Variants in DSE observed in about 807,000 individuals in gnomAD.
DSE encodes the protein dermatan sulfate epimerase.
A neutral mutation model predicts 84.4 loss-of-function variants in DSE; 36 were observed. That is an observed-to-expected ratio of 0.43 (90% CI 0.33 to 0.56). The LOEUF (loss-of-function observed/expected upper bound fraction) is 0.56. DSE is among the 20% of genes least tolerant of loss of function. DSE has a pLI of 0.06. For missense variants in DSE, 862 were observed against 1,169.6 expected (o/e 0.74, Z 3.84); for synonymous variants, 410 against 430.1 (o/e 0.95, Z 0.58).
chr6:116,264,580 C>A (rs1403458480), intron 2 of DSE, among the ~76,000 whole-genome samples: 1 of 152,094 alleles, frequency 6.6e-6, no homozygotes, highest in African/African-American at 2.4e-5. Context: ...GTCATTTAAG[C>A]CATCTCAGCC....
chr6:116,314,265 T>G (rs1396906941), intron 2 of DSE, among the ~76,000 whole-genome samples: 2 of 152,236 alleles, frequency 1.3e-5, no homozygotes, highest in Admixed American at 1.3e-4. Flanking sequence ...GTTTGCAACA[T>G]GTTTAAATTG....
Position 116,371,061 on chromosome 6 carries a change from G to A in DSE, c.-114G>A, listed in dbSNP as rs1273734445. The A allele has an allele frequency of 4.1e-6, 4 of 986,008 alleles. No individual in the cohort carries two copies. Among genetic ancestry groups the A allele is most frequent in the Non-Finnish European group, 4.8e-6 (4 of 830,546 alleles). 61.1% of individuals were successfully genotyped at this position (986,008 alleles called of 1,614,324 possible). A position where few individuals can be genotyped will look rare whatever the true frequency, so the allele number is the denominator to read the frequency against. On this transcript the variant is annotated 5_prime_UTR_variant, in exon 1 of 6. Transcript: ENST00000644252. ...GGGCGCCCTGGAGTGAGGAGGACCG[G>A]GAGCTGGCTCTGGAGGCTGCGGAGG...
At chr6:116,369,445 G>C (rs1434094457), upstream of DSE, among the ~76,000 whole-genome samples, 1 of 152,058 alleles carries the variant, frequency 6.6e-6, no homozygotes, top group Non-Finnish European at 1.5e-5. Flanking sequence ...ATATGGTGTA[G>C]TAAACTCTCA....
intron 2 of DSE, among the ~76,000 whole-genome samples, chr6:116,292,795 C>A (rs897174229): frequency 6.6e-6 from 1 of 152,124 alleles, no homozygotes; most frequent in Admixed American, 6.5e-5. Context: ...AAAGTAGTGA[C>A]CTGGAAAAGC....
At chr6:116,405,007 CA>C in intron 2 of DSE, among the ~76,000 whole-genome samples, 1 of 143,348 alleles carries the variant, frequency 7.0e-6, no homozygotes, top group South Asian at 2.2e-4. Context: ...TTTTTTGCAA[CA>C]GACTGAGTAT....
At chr6:116,405,660 T>G (rs1562287875) in intron 2 of DSE, among the ~76,000 whole-genome samples, 1 of 152,224 alleles carries the variant, frequency 6.6e-6, no homozygotes, top group Non-Finnish European at 1.5e-5. Context: ...GATCAAATTA[T>G]TTAAAATTTA....
At chr6:116,279,519 G>C in intron 2 of DSE, 1 of 1,608,158 alleles carries the variant, frequency 6.2e-7, no homozygotes, top group Non-Finnish European at 8.5e-7. Context: ...GGCCTTCGGC[G>C]GGAGGCTGGC....
chr6:116,425,224 A>T (rs1783355406), intron 2 of DSE, among the ~76,000 whole-genome samples: 1 of 152,248 alleles, frequency 6.6e-6, no homozygotes, highest in African/African-American at 2.4e-5. Flanking sequence ...TTTCAAAATA[A>T]TAGATTTCCA....
rs1326211107 is a variant in DSE, at chr6:116,437,347, A to G, written c.*2A>G. The G allele has an allele frequency of 1.3e-6, 2 of 1,577,220 alleles. No individual in the cohort carries two copies. The highest frequency in any genetic ancestry group is 1.7e-6 in the Non-Finnish European group (2 of 1,163,626). ...TCTTGTTCCCAATCACAGTGTTAGC[A>G]CTGAAGCTATAAATTACCTGGTCAT... On this transcript the variant is annotated 3_prime_UTR_variant, in exon 6 of 6. Coordinates refer to ENST00000644252, the MANE Select transcript of DSE (RefSeq NM_013352.4).
At chr6:116,402,691 AC>A (rs1781671567) in intron 2 of DSE, among the ~76,000 whole-genome samples, 1 of 152,164 alleles carries the variant, frequency 6.6e-6, no homozygotes. Flanking sequence ...TGCTCTCAAA[AC>A]TAGAACATCT....
At chr6:116,303,267 C>T (rs1775146995) in intron 2 of DSE, among the ~76,000 whole-genome samples, 1 of 152,238 alleles carries the variant, frequency 6.6e-6, no homozygotes, top group Admixed American at 6.5e-5. Context: ...AAAGTCACTT[C>T]CTTCAGGAAG....
At chr6:116,317,314 A>G (rs1443491182) in intron 2 of DSE, among the ~76,000 whole-genome samples, 2 of 152,244 alleles carry the variant, frequency 1.3e-5, no homozygotes. Context: ...CTTTCAGCCA[A>G]TTCTGCCCCC....
chr6:116,443,475 G>A lies in DSE; in HGVS notation c.*6130G>A, dbSNP rs1707801441. On this transcript the variant is annotated 3_prime_UTR_variant, in exon 6 of 6. Coordinates refer to ENST00000644252, the MANE Select transcript of DSE (RefSeq NM_013352.4). ...GTACAGGGTGTGTATGTAGTGGCGG[G>A]TGATAGAAAATTAGACTGGAAAAGT... The A allele has an allele frequency of 6.6e-6, 1 of 152,180 alleles. No individual in the cohort carries two copies. Among genetic ancestry groups the A allele is most frequent in the Non-Finnish European group, 1.5e-5 (1 of 68,018 alleles). 9.4% of individuals were successfully genotyped at this position (152,180 alleles called of 1,614,324 possible).
chr6:116,436,859 A>G lies in DSE; in HGVS notation c.2391A>G (p.Ser797=). The G allele has an allele frequency of 6.2e-7, 1 of 1,614,148 alleles. No homozygotes were observed. Among genetic ancestry groups the G allele is most frequent in the Non-Finnish European group, 8.5e-7 (1 of 1,180,010 alleles). The part of the protein sequence containing the change: ...EEAIDRIFAI[S]QQQQQQSKSK... ...CCATTGACAGGATTTTTGCCATATC[A>G]CAGCAACAGCAGCAGCAAAGCAAGT... is the stretch of plus-strand genomic sequence containing the variant. The change falls in exon 6 of 6, where the codon TCA becomes TCG. Residue 797 remains serine (S), a synonymous_variant. Coordinates refer to ENST00000644252, the MANE Select transcript of DSE (RefSeq NM_013352.4).
rs114344638 is a variant in DSE at position 116,431,977 on chromosome 6, T to C, written c.910+784T>C. On this transcript the variant is annotated intron_variant, in intron 4 of 5. Transcript: ENST00000644252. Reference sequence around the variant, plus strand: ...TAGACCTACAACAAATAATATAGTATTTAAATCTTTTGGCTCTGGTAGTAT... The same window carrying C: ...TAGACCTACAACAAATAATATAGTACTTAAATCTTTTGGCTCTGGTAGTAT... Among the ~76,000 whole-genome samples, 431 of 152,310 alleles carry C rather than the reference T, an allele frequency of 2.8e-3. 4 individuals are homozygous for C. The highest frequency in any genetic ancestry group is 0.01 in the African/African-American group (419 of 41,566).
chr6:116,431,818 A>C (rs1212902192), intron 4 of DSE, among the ~76,000 whole-genome samples: 1 of 152,182 alleles, frequency 6.6e-6, no homozygotes, highest in East Asian at 1.9e-4. Context: ...TAATGTATTC[A>C]TTTCCAGAGA....
chr6:116,357,275 G>A (rs1002799774), intron 2 of DSE, among the ~76,000 whole-genome samples: 1 of 152,200 alleles, frequency 6.6e-6, no homozygotes, highest in Non-Finnish European at 1.5e-5. Context: ...GCTCAAGCCT[G>A]TAATCCCAGC....
intron 2 of DSE, among the ~76,000 whole-genome samples, chr6:116,424,743 G>A (rs1783320016): frequency 1.3e-5 from 2 of 152,138 alleles, no homozygotes; most frequent in Admixed American, 1.3e-4. Flanking sequence ...AAAGAAAAGG[G>A]GAATTAAATA....
chr6:116,300,737 C>G (rs1774987532), intron 2 of DSE, among the ~76,000 whole-genome samples: 1 of 152,160 alleles, frequency 6.6e-6, no homozygotes, highest in Non-Finnish European at 1.5e-5. Flanking sequence ...TGAATGGTAA[C>G]AAGTTCTCTT....
Sources: gnomAD v4.1 joint callset for allele counts (sites outside exome capture counted in the v4.1 genomes callset) on GRCh38, gnomAD v4.1.1 for gene constraint, MANE v1.5 for transcripts, NCBI Gene and HGNC (gene_info 2026-07-23, HGNC 2026-07-21) for gene names.